The following ZNF28 variants were observed in gnomAD, a reference collection of about 807,000 sequenced individuals.
ZNF28 encodes the protein zinc finger protein KOX24.
A neutral mutation model predicts 7.2 loss-of-function variants in ZNF28; 5 were observed. The observed-to-expected ratio is 0.70, with a 90% CI of 0.36 to 1.46. The LOEUF (loss-of-function observed/expected upper bound fraction) is 1.46, where lower values mean the gene tolerates loss of function less well. ZNF28 is among the 40% of genes most tolerant of loss of function. The probability of loss-of-function intolerance (pLI) is 0.03; values close to 1 mark genes in which losing one functional copy is unlikely to be tolerated. For missense variants in ZNF28, 879 were observed against 866.6 expected (o/e 1.01, Z -0.18); for synonymous variants, 288 against 292.4 (o/e 0.99, Z 0.15).
chr19:52,817,814 G>A (rs916510530), intron 2 of ZNF28, 130 bp downstream of exon 2: 13 of 1,551,546 alleles, frequency 8.4e-6, no homozygotes, highest in African/African-American at 4.1e-5. Context: ...ATGAACTGAA[G>A]GAAGGCATGG....
At position 52,800,906 on chromosome 19, in the gene ZNF28, G is replaced by A. The variant is rs1399934767; in HGVS notation, c.939C>T (p.His313=). The A allele has an allele frequency of 6.2e-7, 1 of 1,613,598 alleles. No individual in the cohort carries two copies. Among genetic ancestry groups the A allele is most frequent in the Non-Finnish European group, 8.5e-7 (1 of 1,179,864 alleles). The change falls in exon 4 of 4, where the codon CAC becomes CAT. Residue 313 remains histidine, a synonymous_variant. Transcript: ENST00000457749. ...TATAAATTATCTTATGTGTTTCAAG[G>A]TGTGATTTGCGACTGAAAACTTTGT... ...ECDKVFSRKS[H]LETHKIIYTG...
intron 2 of ZNF28, among the ~76,000 whole-genome samples, chr19:52,811,091 G>A (rs1184061463): frequency 1.9e-4 from 28 of 149,294 alleles, no homozygotes; most frequent in Admixed American, 1.4e-3. Context: ...ACGGGGTTTC[G>A]CTGTGTTGGC....
intron 2 of ZNF28, among the ~76,000 whole-genome samples, chr19:52,809,250 T>G (rs1419383683): frequency 6.6e-6 from 1 of 152,152 alleles, no homozygotes; most frequent in Non-Finnish European, 1.5e-5. Flanking sequence ...ATATCTGTAG[T>G]AATGCGGACG....
chr19:52,807,813 C>G lies in ZNF28; in HGVS notation c.142+194G>C. The G allele has an allele frequency of 6.1e-6, 6 of 980,724 alleles. No individual in the cohort carries two copies. In the South Asian group the frequency reaches 1.0e-4, roughly 17 times the overall value. The allele number at this position is 980,724 out of a possible 1,614,324, so 60.8% of individuals were successfully genotyped here. On this transcript the variant is annotated intron_variant, in intron 3 of 3. Coordinates refer to ENST00000457749, the MANE Select transcript of ZNF28 (RefSeq NM_006969.5). ...TATGCCTACTTTACTTCTGGAAGCT[C>G]CACTGAGCTATCATGAAGAATGCAG...
Position 52,818,013 on chromosome 19 carries a change from G to A in ZNF28, c.-55C>T. 6.2e-7 allele frequency: 1 copy of A among 1,607,848 alleles called. No individual in the cohort carries two copies. Among genetic ancestry groups the A allele is most frequent in the Non-Finnish European group, 8.5e-7 (1 of 1,178,212 alleles). On this transcript the variant is annotated 5_prime_UTR_variant, in exon 2 of 4. Coordinates refer to ENST00000457749, the MANE Select transcript of ZNF28 (RefSeq NM_006969.5). Reference sequence around the variant, plus strand: ...TCTGGGTTTCTTCCTCACGTACCAAGATTCTTTAGAAGTCAATCCTGAATG... The same window carrying A: ...TCTGGGTTTCTTCCTCACGTACCAAAATTCTTTAGAAGTCAATCCTGAATG...
chr19:52,809,237 C>G (rs1312882696), intron 2 of ZNF28, among the ~76,000 whole-genome samples: 23 of 152,122 alleles, frequency 1.5e-4, no homozygotes, highest in Non-Finnish European at 2.5e-4. Flanking sequence ...GAGGAATGTT[C>G]AGATATCTGT....
chr19:52,810,876 TCCCCCTCCCCCTCCCCCTCCCC>T (rs2063019636), intron 2 of ZNF28, among the ~76,000 whole-genome samples: 4 of 4,664 alleles, frequency 8.6e-4, no homozygotes, highest in Admixed American at 6.4e-3. Context: ...CCCCTCCCCC[TCCCCCTCCCCCTCCCCCTCCCC>T]CTCCCTCTCC....
chr19:52,799,141 G>A lies in ZNF28; in HGVS notation c.*547C>T. On this transcript the variant is annotated 3_prime_UTR_variant, in exon 4 of 4. Coordinates refer to ENST00000457749, the MANE Select transcript of ZNF28 (RefSeq NM_006969.5). ...GTATGAAGACTATGATGACTTGCAA[G>A]GTGTGACTGTTGATTAAAAACTATG... 2.5e-6 allele frequency: 1 copy of A among 404,566 alleles called. No homozygotes were observed. The highest frequency in any genetic ancestry group is 6.0e-5 in the East Asian group (1 of 16,650). 25.1% of individuals were successfully genotyped at this position (404,566 alleles called of 1,614,324 possible).
At chr19:52,812,985 G>A (rs1418947653) in intron 2 of ZNF28, among the ~76,000 whole-genome samples, 2 of 151,296 alleles carry the variant, frequency 1.3e-5, no homozygotes, top group Non-Finnish European at 2.9e-5. Context: ...TTAATGCTTA[G>A]TAATAAAGTT....
intron 2 of ZNF28, among the ~76,000 whole-genome samples, chr19:52,816,185 T>C (rs1485955884): frequency 1.4e-5 from 2 of 144,420 alleles, no homozygotes; most frequent in Non-Finnish European, 3.0e-5. Flanking sequence ...ACAAAATATA[T>C]ACATCATGTG....
Position 52,800,777 on chromosome 19 carries a change from CT to C in ZNF28, c.1067del (p.Lys356SerfsTer76). 6.2e-7 allele frequency: 1 copy of C among 1,613,976 alleles called. No individual in the cohort carries two copies. The highest frequency in any genetic ancestry group is 8.5e-7 in the Non-Finnish European group (1 of 1,179,990). ...TIIHTGEKPY[K>X]CNECGKVFNR... is the part of the protein sequence containing the mutation. ...TAAAAACCTTGCCACATTCATTACA[CT>C]TGTAAGGTTTCTCTCCAGTGTGAAT... On this transcript the variant is annotated frameshift_variant, in exon 4 of 4. Coordinates refer to ENST00000457749, the MANE Select transcript of ZNF28 (RefSeq NM_006969.5). LOFTEE classifies it low-confidence loss of function (END_TRUNC).
At chr19:52,813,421 CCCCG>C (rs2063081232) in intron 2 of ZNF28, among the ~76,000 whole-genome samples, 2 of 148,218 alleles carry the variant, frequency 1.3e-5, no homozygotes, top group Admixed American at 6.7e-5. Context: ...GCAAGCTGCT[CCCCG>C]TGTTTCCCTG....
Position 52,819,634 on chromosome 19 carries a change from G to A in ZNF28, c.-73-1603C>T, listed in dbSNP as rs1470396407. ...ATTTTCACGAAGTTACCCTGAGAAGGTCTGAGATGAGTGAGAAGGTGTGCC... is the reference window on the plus strand; with the variant it reads ...ATTTTCACGAAGTTACCCTGAGAAGATCTGAGATGAGTGAGAAGGTGTGCC... On this transcript the variant is annotated intron_variant, in intron 1 of 3. Coordinates refer to ENST00000457749, the MANE Select transcript of ZNF28 (RefSeq NM_006969.5). Among the ~76,000 whole-genome samples, 35 of 131,980 alleles carry A rather than the reference G, an allele frequency of 2.7e-4. 4 individuals are homozygous for A. The highest frequency in any genetic ancestry group is 4.7e-4 in the Non-Finnish European group (30 of 63,852). 86.6% of individuals were successfully genotyped at this position (131,980 alleles called of 152,430 possible). A position where few individuals can be genotyped will look rare whatever the true frequency, so the allele number is the denominator to read the frequency against.
At position 52,800,604 on chromosome 19, in the gene ZNF28, T is replaced by G. The variant is rs1203674171; in HGVS notation, c.1241A>C (p.Lys414Thr). The change falls in exon 4 of 4, where the codon AAG becomes ACG. Residue 414 changes from lysine to threonine, a missense_variant. This residue lies in a region of ZNF28 where 864 missense variants were observed against 830.2 expected (regional missense o/e 1.04). Coordinates refer to ENST00000457749, the MANE Select transcript of ZNF28 (RefSeq NM_006969.5). ...IHTGEKPYKC[K>T]VCDKAFAYNS... ...ATATGCAAAAGCCTTGTCACAAACC[T>G]TACATTTGTATGGTTTCTCTCCAGT... 1.9e-6 allele frequency: 3 copies of G among 1,613,884 alleles called. No individual in the cohort carries two copies. The highest frequency in any genetic ancestry group is 1.7e-6 in the Non-Finnish European group (2 of 1,179,958).
At chr19:52,810,398 C>T in intron 2 of ZNF28, 1 of 1,604,962 alleles carries the variant, frequency 6.2e-7, no homozygotes, top group Non-Finnish European at 8.5e-7. Context: ...ACCACGTTAC[C>T]ATACTCTGTG....
chr19:52,802,367 C>CA (rs1303770127), intron 3 of ZNF28, among the ~76,000 whole-genome samples: 3 of 36,932 alleles, frequency 8.1e-5, no homozygotes, highest in African/African-American at 3.3e-4. Context: ...GCCTCCATCT[C>CA]AAAAAAACAA....
At chr19:52,809,709 G>C in intron 2 of ZNF28, 1 of 389,598 alleles carries the variant, frequency 2.6e-6, no homozygotes, top group Non-Finnish European at 4.6e-6. Flanking sequence ...GAGAGGCTGA[G>C]GCAGCAAAAC....
In ZNF28 at chr19:52,800,626, CA is replaced by C. The variant is rs771301398; in HGVS notation, c.1218del (p.Gly407GlufsTer25). 3.7e-6 allele frequency: 6 copies of C among 1,613,094 alleles called. No individual in the cohort carries two copies. Among genetic ancestry groups the C allele is most frequent in the Non-Finnish European group, 5.1e-6 (6 of 1,179,716 alleles). ...ACCTTACATTTGTATGGTTTCTCTC[CA>C]GTATGAATCCTCTTATGTCTTTCAA... ...SHLERHKRIH[T>X]GEKPYKCKVC... On this transcript the variant is annotated frameshift_variant, in exon 4 of 4. Transcript: ENST00000457749. LOFTEE classifies it low-confidence loss of function (END_TRUNC).
At chr19:52,809,787 A>T (rs1260391879) in intron 2 of ZNF28, 3 of 504,440 alleles carry the variant, frequency 5.9e-6, no homozygotes, top group Middle Eastern at 5.6e-4. Flanking sequence ...CCTGGGTGAC[A>T]GAGCGAAAAA....
Sources: gnomAD v4.1 joint callset for allele counts (sites outside exome capture counted in the v4.1 genomes callset) on GRCh38, gnomAD v4.1.1 for gene constraint, gnomAD v4.1.1 regional missense constraint, MANE v1.5 for transcripts, NCBI Gene and HGNC (gene_info 2026-07-23, HGNC 2026-07-21) for gene names.